Variants in FOCAD observed in about 807,000 individuals in gnomAD.
FOCAD encodes the protein KIAA1797.
Under a neutral mutation model 225.6 loss-of-function variants are expected in FOCAD, and 198 were observed. That is an observed-to-expected ratio of 0.88 (90% CI 0.78 to 0.99). The LOEUF is 0.99. Among genes scored for constraint, FOCAD ranks in the 50% least tolerant of loss-of-function variants. The pLI is 0.00. For missense variants in FOCAD, 2,713 were observed against 2,123.6 expected, an observed-to-expected ratio of 1.28 and a Z score of -5.46; for synonymous variants, 897 against 755.0, an observed-to-expected ratio of 1.19 and a Z score of -3.08.
At chr9:20,668,841 A>C (rs1173539604) in intron 2 of FOCAD, among the ~76,000 whole-genome samples, 1 of 152,166 alleles carries the variant, frequency 6.6e-6, no homozygotes, top group East Asian at 1.9e-4. Context: ...CAAAATGCAT[A>C]GCATAAGGAG....
chr9:20,722,540 G>A (rs1825870952), intron 4 of FOCAD, among the ~76,000 whole-genome samples: 1 of 152,180 alleles, frequency 6.6e-6, no homozygotes, highest in Non-Finnish European at 1.5e-5. Flanking sequence ...TTTGGTATCT[G>A]GCACTCTCTC....
chr9:20,816,621 A>AT (rs1823753974), intron 11 of FOCAD, among the ~76,000 whole-genome samples: 1 of 151,876 alleles, frequency 6.6e-6, no homozygotes, highest in South Asian at 2.1e-4. Context: ...TTAAGAGGAT[A>AT]TTTTTTCCTT....
chr9:20,704,490 A>G (rs750537119), intron 1 of FOCAD, among the ~76,000 whole-genome samples: 4 of 152,312 alleles, frequency 2.6e-5, no homozygotes, highest in African/African-American at 9.6e-5. Context: ...CAGTCTATAT[A>G]GTTCTTTTCC....
intron 11 of FOCAD, among the ~76,000 whole-genome samples, chr9:20,796,500 C>T (rs201131446): frequency 9.2e-5 from 14 of 152,086 alleles, no homozygotes; most frequent in African/African-American, 2.9e-4. Context: ...TTTTAATGAT[C>T]GCCATTCTAA....
intron 1 of FOCAD, among the ~76,000 whole-genome samples, chr9:20,710,606 A>T (rs145189592): frequency 6.0e-4 from 92 of 152,142 alleles, no homozygotes; most frequent in Middle Eastern, 3.4e-3. Context: ...CAAAAAAAAA[A>T]AATAATAATA....
chr9:20,858,909 A>G (rs2131671859), intron 15 of FOCAD, among the ~76,000 whole-genome samples: 2 of 152,178 alleles, frequency 1.3e-5, no homozygotes, highest in Middle Eastern at 6.8e-3. Context: ...TCTTCCTGTT[A>G]CTGATTTCTA....
At chr9:20,948,148 A>G (rs899655794) in intron 30 of FOCAD, 123 bp from the exon 31 acceptor site, 4 of 964,662 alleles carry the variant, frequency 4.1e-6, no homozygotes, top group Non-Finnish European at 5.8e-6. Flanking sequence ...TTTTCATATG[A>G]CAAATACAGC....
At chr9:20,805,973 G>A (rs1311939625) in intron 11 of FOCAD, among the ~76,000 whole-genome samples, 1 of 152,184 alleles carries the variant, frequency 6.6e-6, no homozygotes, top group African/African-American at 2.4e-5. Context: ...TCTCTTGGCT[G>A]CCTTTGGAGC....
At chr9:20,841,412 A>G (rs1416668316) in intron 15 of FOCAD, among the ~76,000 whole-genome samples, 1 of 151,212 alleles carries the variant, frequency 6.6e-6, no homozygotes, top group Non-Finnish European at 1.5e-5. Flanking sequence ...TTTTTGATGG[A>G]AGACTTTATT....
Position 20,874,807 on chromosome 9 carries a change from G to A in FOCAD, c.2317G>A (p.Ala773Thr), listed in dbSNP as rs760906945. The change falls in exon 19 of 44, where the codon GCT (alanine) becomes ACT (threonine). Residue 773 changes from alanine to threonine, a missense_variant and splice_region_variant. Physicochemically the swap from Ala to Thr is moderately conservative, Grantham distance 58 (BLOSUM62 0). Coordinates refer to ENST00000338382, the MANE Select transcript of FOCAD (RefSeq NM_001375567.1). Reference protein sequence around the residue: ...LSLTPPLVLPALEEFFTSLVK... With the variant: ...LSLTPPLVLPTLEEFFTSLVK... Reference sequence around the variant, plus strand: ...ACTCACTCCCCCTTTGGTTTTACCAGGTGACTCCTATTTGGTAGTAGAGAA... The same window carrying A: ...ACTCACTCCCCCTTTGGTTTTACCAAGTGACTCCTATTTGGTAGTAGAGAA... 5.6e-6 allele frequency: 9 copies of A among 1,613,272 alleles called. No individual in the cohort carries two copies. The highest frequency in any genetic ancestry group is 7.6e-6 in the Non-Finnish European group (9 of 1,179,600).
At chr9:20,820,184 C>T in intron 12 of FOCAD, 140 bp from the exon 13 acceptor site, 2 of 608,314 alleles carry the variant, frequency 3.3e-6, no homozygotes, top group East Asian at 2.9e-5. Context: ...ATTTTTCATC[C>T]TCTAAGAAGG....
intron 2 of FOCAD, among the ~76,000 whole-genome samples, chr9:20,716,602 G>A (rs1825356843): frequency 6.6e-6 from 1 of 151,966 alleles, no homozygotes; most frequent in East Asian, 1.9e-4. Context: ...TCCCTATTGT[G>A]TTTCATATTA....
chr9:20,785,402 C>T (rs1231554417), intron 10 of FOCAD, among the ~76,000 whole-genome samples: 3 of 152,084 alleles, frequency 2.0e-5, no homozygotes, highest in Non-Finnish European at 4.4e-5. Flanking sequence ...CCTAATTCCC[C>T]CCTTTTTTCC....
chr9:20,737,188 G>A (rs1352602917), intron 4 of FOCAD, among the ~76,000 whole-genome samples: 2 of 152,074 alleles, frequency 1.3e-5, no homozygotes, highest in African/African-American at 2.4e-5. Flanking sequence ...TAAAAAATTG[G>A]AGTTCATTTA....
chr9:20,981,317 A>C, intron 37 of FOCAD, 109 bp from the exon 38 acceptor site: 1 of 1,270,920 alleles, frequency 7.9e-7, no homozygotes, highest in Non-Finnish European at 1.1e-6. Context: ...AGTAACCTGA[A>C]CCTTTTATCT....
In FOCAD at chr9:20,950,988, A is replaced by G. The variant is rs754942003; in HGVS notation, c.3949-8A>G. The stretch of plus-strand genomic sequence containing the variant: ...CCCATCATTGAACTGTTACCTTTTT[A>G]TTTGTAGGTCATTAGTGTCTCTGGG... On this transcript the variant is annotated splice_polypyrimidine_tract_variant and splice_region_variant and intron_variant, in intron 33 of 43. Coordinates refer to ENST00000338382, the MANE Select transcript of FOCAD (RefSeq NM_001375567.1). The G allele has an allele frequency of 6.2e-7, 1 of 1,610,176 alleles. No individual in the cohort carries two copies. Among genetic ancestry groups the G allele is most frequent in the Non-Finnish European group, 8.5e-7 (1 of 1,176,772 alleles).
chr9:20,814,153 T>C (rs62560461), intron 11 of FOCAD, among the ~76,000 whole-genome samples: 45,864 of 151,998 alleles, frequency 0.3, 7,276 homozygotes, highest in African/African-American at 0.39. Context: ...CCACTGTATG[T>C]CTTTGATTGA....
At chr9:20,902,736 G>T (rs1398268214) in intron 21 of FOCAD, among the ~76,000 whole-genome samples, 1 of 151,830 alleles carries the variant, frequency 6.6e-6, no homozygotes, top group Admixed American at 6.6e-5. Context: ...TATTTCAGAA[G>T]TAGACTCAAG....
intron 21 of FOCAD, among the ~76,000 whole-genome samples, chr9:20,891,704 G>A (rs569310557): frequency 1.3e-5 from 2 of 152,324 alleles, no homozygotes; most frequent in South Asian, 4.1e-4. Context: ...AAGGAAAGAA[G>A]CGATTTTCAC....
Sources: allele counts gnomAD v4.1 joint callset (sites outside exome capture counted in the v4.1 genomes callset), GRCh38; gene constraint gnomAD v4.1.1; transcripts MANE v1.5; gene names NCBI Gene and HGNC (gene_info 2026-07-23, HGNC 2026-07-21).